The following NOX4 variants were observed in gnomAD, a reference collection of about 807,000 sequenced individuals.
NOX4 encodes NADPH oxidase 4.
Under a neutral mutation model 87.6 loss-of-function variants are expected in NOX4, and 69 were observed. The observed-to-expected ratio is 0.79, with a 90% CI of 0.65 to 0.96. The LOEUF is 0.96. Among genes scored for constraint, NOX4 ranks in the 40% least tolerant of loss-of-function variants. The pLI is 0.00. For missense variants in NOX4, 680 were observed against 681.5 expected (o/e 1.00, Z 0.02); for synonymous variants, 275 against 238.2 (o/e 1.15, Z -1.42).
the NOX4 span, among the ~76,000 whole-genome samples, chr11:89,556,177 T>C: frequency 6.6e-6 from 1 of 152,056 alleles, no homozygotes; most frequent in Non-Finnish European, 1.5e-5. Flanking sequence ...TATTTATTAA[T>C]TGAATAAATA....
intron 2 of NOX4, among the ~76,000 whole-genome samples, chr11:89,464,594 T>C (rs1228217868): frequency 6.6e-6 from 1 of 152,180 alleles, no homozygotes; most frequent in Admixed American, 6.5e-5. Context: ...AAATGACTGC[T>C]CTAAGTTATG....
At chr11:89,372,826 T>A (rs1357228846) in intron 12 of NOX4, among the ~76,000 whole-genome samples, 3 of 152,020 alleles carry the variant, frequency 2.0e-5, no homozygotes. Flanking sequence ...TACTCACTTG[T>A]CAGTTACTCT....
At chr11:89,587,395 A>G in the NOX4 span, among the ~76,000 whole-genome samples, 1 of 152,170 alleles carries the variant, frequency 6.6e-6, no homozygotes, top group African/African-American at 2.4e-5. Context: ...CCAGGGATGG[A>G]GATTCTGAGA....
At chr11:89,477,606 A>C (rs1167552108) in intron 2 of NOX4, among the ~76,000 whole-genome samples, 1 of 152,080 alleles carries the variant, frequency 6.6e-6, no homozygotes, top group East Asian at 1.9e-4. Context: ...TCTGGCACAG[A>C]CCCATGAGGA....
chr11:89,486,603 T>C (rs567978542), intron 2 of NOX4, among the ~76,000 whole-genome samples: 1 of 106,526 alleles, frequency 9.4e-6, no homozygotes, highest in Non-Finnish European at 1.8e-5. Context: ...TATATATACA[T>C]ATATATGTGT....
upstream of NOX4, among the ~76,000 whole-genome samples, chr11:89,500,753 T>A (rs1436119556): frequency 6.6e-6 from 1 of 152,108 alleles, no homozygotes; most frequent in Non-Finnish European, 1.5e-5. Context: ...ATATTAAAAA[T>A]TTAGATGACC....
In NOX4 at chr11:89,342,057, A is replaced by C. The variant is rs1946026588; in HGVS notation, c.1337+17T>G. 1 of 1,591,730 alleles carries C rather than the reference A, an allele frequency of 6.3e-7. No individual in the cohort carries two copies. The highest frequency in any genetic ancestry group is 1.4e-5 in the African/African-American group (1 of 73,920). On this transcript the variant is annotated intron_variant, in intron 14 of 17. Transcript: ENST00000263317. Reference sequence around the variant, plus strand: ...AGTTCTCTATTTGGATTAACAAAATAGATCAAAATGACATACAACAGGGTG... The same window carrying C: ...AGTTCTCTATTTGGATTAACAAAATCGATCAAAATGACATACAACAGGGTG...
At chr11:89,360,932 T>A (rs1297596814) in intron 12 of NOX4, among the ~76,000 whole-genome samples, 2 of 151,930 alleles carry the variant, frequency 1.3e-5, no homozygotes, top group African/African-American at 2.4e-5. Flanking sequence ...TGGCCACAAT[T>A]AAAAAGTCTA....
Position 89,355,035 on chromosome 11 carries a change from G to A in NOX4, c.1144C>T (p.Arg382Ter), listed in dbSNP as rs374112961. The A allele has an allele frequency of 1.1e-5, 18 of 1,592,630 alleles. No homozygotes were observed. The highest frequency in any genetic ancestry group is 2.2e-5 in the South Asian group (2 of 89,700). The change falls in exon 13 of 18, where the codon CGA (arginine) becomes TGA (stop). Residue 382 changes from arginine (R) to a stop codon, truncating the protein, a stop_gained. Coordinates refer to ENST00000263317, the MANE Select transcript of NOX4 (RefSeq NM_016931.5). LOFTEE classifies it high-confidence loss of function. The part of the protein sequence containing the change: ...KIVGDWTERF[R>*]DLLLPPSSQD... ...CTAGATGGAGGCAGTAGTAAATCTCGAAATCGTTCTGTCAAAAGAAAAATA... is the reference window on the plus strand; with the variant it reads ...CTAGATGGAGGCAGTAGTAAATCTCAAAATCGTTCTGTCAAAAGAAAAATA...
intron 12 of NOX4, among the ~76,000 whole-genome samples, chr11:89,370,918 G>T (rs1366185710): frequency 6.6e-6 from 1 of 152,010 alleles, no homozygotes; most frequent in East Asian, 1.9e-4. Context: ...TTTTAAACCT[G>T]CTCTTTAGTC....
chr11:89,373,165 T>C (rs1939572388), intron 12 of NOX4, among the ~76,000 whole-genome samples: 3 of 150,954 alleles, frequency 2.0e-5, no homozygotes, highest in Non-Finnish European at 4.4e-5. Context: ...TAGAAACTTA[T>C]GATTTGCAAG....
chr11:89,365,632 A>G (rs574845169), intron 12 of NOX4, among the ~76,000 whole-genome samples: 1 of 151,800 alleles, frequency 6.6e-6, no homozygotes, highest in South Asian at 2.1e-4. Context: ...GAAACACCTC[A>G]GACTGATCAA....
chr11:89,334,179 G>A (rs188376030), intron 17 of NOX4, among the ~76,000 whole-genome samples: 4 of 151,686 alleles, frequency 2.6e-5, no homozygotes, highest in African/African-American at 2.4e-5. Context: ...TCAGTAAATG[G>A]CACTAAAGAG....
At chr11:89,491,061 G>GT (rs35177439) in intron 1 of NOX4, 129 bp downstream of exon 1, 588,428 of 954,198 alleles carry the variant, frequency 0.62, 190,593 homozygotes, top group Non-Finnish European at 0.69. Context: ...ATAAAGTTTT[G>GT]TAAGTTGAGA....
intron 17 of NOX4, among the ~76,000 whole-genome samples, chr11:89,329,832 C>T (rs181538155): frequency 9.5e-4 from 144 of 151,892 alleles, no homozygotes; most frequent in South Asian, 2.3e-3. Flanking sequence ...TGTATACAAA[C>T]AAAACCTGAA....
chr11:89,379,255 A>C (rs1940096070), intron 11 of NOX4, among the ~76,000 whole-genome samples: 1 of 152,152 alleles, frequency 6.6e-6, no homozygotes, highest in Non-Finnish European at 1.5e-5. Flanking sequence ...ATGAAACCAA[A>C]GTCTCATTGC....
chr11:89,338,285 A>G (rs1479569260), intron 15 of NOX4, among the ~76,000 whole-genome samples: 1 of 152,114 alleles, frequency 6.6e-6, no homozygotes, highest in Admixed American at 6.6e-5. Flanking sequence ...ATTTAGCATT[A>G]TATCTTCAAA....
chr11:89,453,573 G>C (rs1180690877), intron 2 of NOX4, among the ~76,000 whole-genome samples: 1 of 152,174 alleles, frequency 6.6e-6, no homozygotes, highest in Non-Finnish European at 1.5e-5. Flanking sequence ...AAAATGCAGA[G>C]ATGTTAGCAA....
At chr11:89,514,760 T>G in the NOX4 span, among the ~76,000 whole-genome samples, 869 of 152,106 alleles carry the variant, frequency 5.7e-3, 8 homozygotes, top group African/African-American at 0.02. Context: ...TGATGATGCA[T>G]TACATTGATT....
Sources: allele counts gnomAD v4.1 joint callset (sites outside exome capture counted in the v4.1 genomes callset), GRCh38; gene constraint gnomAD v4.1.1; transcripts MANE v1.5; gene names NCBI Gene and HGNC (gene_info 2026-07-23, HGNC 2026-07-21).